ASIC2: variants seen among roughly 807,000 people sequenced by gnomAD.
The protein encoded by ASIC2 is acid sensing ion channel subunit 2, also known as acid-sensing ion channel 2.
Under a neutral mutation model 57.3 loss-of-function variants are expected in ASIC2, and 25 were observed. The ratio of observed to expected loss-of-function variants is 0.44; its 90% confidence interval spans 0.32 to 0.61. The LOEUF is 0.61. ASIC2 is among the 20% of genes least tolerant of loss of function. The pLI is 0.06. For synonymous variants in ASIC2, 319 were observed against 307.5 expected (o/e 1.04, Z -0.39); for missense variants, 641 against 738.1 (o/e 0.87, Z 1.52).
At chr17:33,272,092 C>T (rs1904516114) in intron 1 of ASIC2, among the ~76,000 whole-genome samples, 1 of 152,224 alleles carries the variant, frequency 6.6e-6, no homozygotes, top group African/African-American at 2.4e-5. Flanking sequence ...TTGCATCCCC[C>T]TATCATTTTG....
intron 1 of ASIC2, among the ~76,000 whole-genome samples, chr17:34,031,510 G>A (rs1313882283): frequency 2.6e-5 from 4 of 152,214 alleles, no homozygotes; most frequent in African/African-American, 9.6e-5. Flanking sequence ...AAGCTGCATG[G>A]ACAATGACTT....
intron 1 of ASIC2, among the ~76,000 whole-genome samples, chr17:34,042,395 C>T (rs1278120783): frequency 6.6e-6 from 1 of 152,034 alleles, no homozygotes; most frequent in Non-Finnish European, 1.5e-5. Flanking sequence ...TAATTACATA[C>T]ATAAACAGGA....
intron 1 of ASIC2, among the ~76,000 whole-genome samples, chr17:33,783,490 T>C (rs1465035719): frequency 6.6e-6 from 1 of 152,202 alleles, no homozygotes; most frequent in African/African-American, 2.4e-5. Flanking sequence ...ATTTGCGATA[T>C]TAGGACTACT....
At chr17:33,343,648 C>T (rs895093279) in intron 1 of ASIC2, among the ~76,000 whole-genome samples, 22 of 152,168 alleles carry the variant, frequency 1.4e-4, no homozygotes, top group South Asian at 2.1e-4. Flanking sequence ...TAAAGCCTTT[C>T]GTACATGAGA....
intron 1 of ASIC2, among the ~76,000 whole-genome samples, chr17:33,340,952 T>G (rs1907696348): frequency 6.6e-6 from 1 of 152,166 alleles, no homozygotes; most frequent in Non-Finnish European, 1.5e-5. Context: ...GTAGTATCTT[T>G]CACACCTCAC....
At chr17:33,034,351 G>A (rs114419658) in intron 3 of ASIC2, among the ~76,000 whole-genome samples, 2,327 of 152,240 alleles carry the variant, frequency 0.015, 44 homozygotes, top group Middle Eastern at 0.065. Context: ...AAAAAATATA[G>A]TCAGGAGTGG....
At chr17:34,083,846 T>C (rs1267071426) in intron 1 of ASIC2, among the ~76,000 whole-genome samples, 1 of 152,252 alleles carries the variant, frequency 6.6e-6, no homozygotes, top group East Asian at 1.9e-4. Context: ...GTTCAGGTCC[T>C]TCGCCCACTT....
intron 1 of ASIC2, among the ~76,000 whole-genome samples, chr17:33,644,742 A>G (rs1182728040): frequency 3.3e-5 from 5 of 152,246 alleles, no homozygotes; most frequent in African/African-American, 4.8e-5. Flanking sequence ...GATGCATACA[A>G]TTCTAATAAA....
At chr17:33,420,744 C>T (rs540999882) in intron 1 of ASIC2, among the ~76,000 whole-genome samples, 4 of 152,262 alleles carry the variant, frequency 2.6e-5, no homozygotes, top group African/African-American at 9.6e-5. Context: ...GCTCCCATGG[C>T]TGACTTCAAG....
At chr17:33,443,343 TGATAGAAGTCACCAGTAAAATCA>T (rs1911890515) in intron 1 of ASIC2, among the ~76,000 whole-genome samples, 1 of 151,530 alleles carries the variant, frequency 6.6e-6, no homozygotes, top group East Asian at 1.9e-4. Context: ...TTTAAAAATG[TGATAGAAGTCACCAGTAAAATCA>T]TCTGGGCCTG....
chr17:34,012,729 T>TC (rs200072449), intron 1 of ASIC2, among the ~76,000 whole-genome samples: 1 of 152,002 alleles, frequency 6.6e-6, no homozygotes, highest in East Asian at 1.9e-4. Context: ...TTTTTTTTTT[T>TC]CTAAATTCCC....
At chr17:33,841,936 C>T (rs996010034) in intron 1 of ASIC2, among the ~76,000 whole-genome samples, 23 of 152,124 alleles carry the variant, frequency 1.5e-4, no homozygotes, top group East Asian at 3.9e-4. Context: ...GCCTTATATA[C>T]GGAGAATGTC....
chr17:33,287,013 T>C (rs557144625), intron 1 of ASIC2, among the ~76,000 whole-genome samples: 3 of 152,346 alleles, frequency 2.0e-5, no homozygotes, highest in Admixed American at 2.0e-4. Context: ...TAATTATGAA[T>C]AGTAACTATG....
At chr17:33,668,353 G>T (rs1452053272) in intron 1 of ASIC2, among the ~76,000 whole-genome samples, 1 of 140,940 alleles carries the variant, frequency 7.1e-6, no homozygotes, top group African/African-American at 2.6e-5. Context: ...AAGAAGGGCT[G>T]CGTTCCTTTC....
chr17:33,045,941 C>T (rs749279753), intron 3 of ASIC2, among the ~76,000 whole-genome samples: 24 of 152,120 alleles, frequency 1.6e-4, no homozygotes, highest in Non-Finnish European at 2.2e-4. Flanking sequence ...TCAGAGCTGC[C>T]GGGTACAGCT....
At chr17:33,709,357 G>T (rs1459299099) in intron 1 of ASIC2, among the ~76,000 whole-genome samples, 1 of 152,210 alleles carries the variant, frequency 6.6e-6, no homozygotes, top group African/African-American at 2.4e-5. Context: ...GAACTTTTCA[G>T]ATGTGTTAAA....
intron 1 of ASIC2, among the ~76,000 whole-genome samples, chr17:33,789,464 T>TCTCTCACACACA (rs145766933): frequency 2.8e-5 from 4 of 144,514 alleles, no homozygotes; most frequent in Admixed American, 1.4e-4. Flanking sequence ...AGAATCATGG[T>TCTCTCACACACA]CACACACACA....
intron 1 of ASIC2, among the ~76,000 whole-genome samples, chr17:33,465,979 T>C (rs1197072692): frequency 6.6e-6 from 1 of 152,208 alleles, no homozygotes; most frequent in Non-Finnish European, 1.5e-5. Flanking sequence ...GTAGTCAGAC[T>C]TAGAAAAGAA....
intron 8 of ASIC2, among the ~76,000 whole-genome samples, chr17:33,017,130 G>A (rs931528624): frequency 1.3e-5 from 2 of 152,240 alleles, no homozygotes; most frequent in Non-Finnish European, 1.5e-5. Flanking sequence ...CTGCTGGGAA[G>A]TGCCCCTTCC....
Sources: allele counts gnomAD v4.1 joint callset (sites outside exome capture counted in the v4.1 genomes callset), GRCh38; gene constraint gnomAD v4.1.1; transcripts MANE v1.5; gene names NCBI Gene and HGNC (gene_info 2026-07-23, HGNC 2026-07-21).